The following OSBPL3 variants were observed in gnomAD, a reference collection of about 807,000 sequenced individuals.
The protein encoded by OSBPL3 is oxysterol-binding protein-related protein 3.
In OSBPL3, 65 loss-of-function variants were observed where a neutral mutation model predicts 120.1. The ratio of observed to expected loss-of-function variants is 0.54; its 90% CI spans 0.44 to 0.67. The LOEUF is 0.67. Among genes scored for constraint, OSBPL3 ranks in the 30% least tolerant of loss-of-function variants. The pLI, the probability that OSBPL3 is intolerant of heterozygous loss-of-function variation, is 0.00. For synonymous variants in OSBPL3, 416 were observed against 402.6 expected (o/e 1.03, Z -0.40); for missense variants, 1,004 against 1,082.1 (o/e 0.93, Z 1.01).
At chr7:24,826,723 A>T (rs1225460467) in intron 16 of OSBPL3, among the ~76,000 whole-genome samples, 1 of 152,140 alleles carries the variant, frequency 6.6e-6, no homozygotes, top group East Asian at 1.9e-4. Flanking sequence ...GCACTCTACA[A>T]ATCTAATACT....
In OSBPL3 at chr7:24,972,094, A is replaced by T. The variant is rs1017341938; in HGVS notation, c.-150+7792T>A. 1.3e-5 allele frequency among the ~76,000 whole-genome samples: 2 copies of T among 152,258 alleles called. No homozygotes were observed. Among genetic ancestry groups the T allele is most frequent in the Non-Finnish European group, 2.9e-5 (2 of 68,044 alleles). On this transcript the variant is annotated intron_variant, in intron 1 of 22. Transcript: ENST00000313367. The surrounding 1 kb of genome is among the most constrained non-coding windows in gnomAD (Gnocchi z 4.3). Reference sequence around the variant, plus strand: ...GTTATTTTAAGCTACATGCAGGGCTATGCTGGAGGACAGGTTGCTAGATAT... The same window carrying T: ...GTTATTTTAAGCTACATGCAGGGCTTTGCTGGAGGACAGGTTGCTAGATAT...
intron 10 of OSBPL3, among the ~76,000 whole-genome samples, chr7:24,853,916 G>T (rs1049453415): frequency 1.2e-4 from 19 of 152,070 alleles, no homozygotes; most frequent in Admixed American, 6.5e-5. Context: ...TTGCTTGTTA[G>T]CCCTTCCAGC....
At chr7:24,839,991 C>CAAAAAAAAAAAAAAAAAAAAAAAAA (rs71675250) in intron 14 of OSBPL3, among the ~76,000 whole-genome samples, 1 of 53,268 alleles carries the variant, frequency 1.9e-5, no homozygotes, top group Non-Finnish European at 3.3e-5. Context: ...CTCCATCTCA[C>CAAAAAAAAAAAAAAAAAAAAAAAAA]AAAAAAAAAA....
At chr7:24,979,319 A>C (rs1273195895) in intron 1 of OSBPL3, among the ~76,000 whole-genome samples, 3 of 151,826 alleles carry the variant, frequency 2.0e-5, no homozygotes, top group African/African-American at 7.3e-5. Flanking sequence ...AGGGGCCAGA[A>C]AGCTGATGAA....
At position 24,866,095 on chromosome 7, in the gene OSBPL3, A is replaced by G. The variant is rs768202770; in HGVS notation, c.524T>C (p.Val175Ala). The change falls in exon 6 of 23, where the codon GTG (valine) becomes GCG (alanine). Residue 175 changes from valine (V) to alanine (A), a missense_variant. Transcript: ENST00000313367. ...CTTCCTACTTGAAATGGAGTCAAAC[A>G]CCCCAGATGAAGAGTCTGTGATGGT... ...GSTITDSSSG[V>A]FDSISSRKRS... is the part of the protein sequence containing the mutation. 50 of 1,613,644 alleles carry G rather than the reference A, an allele frequency of 3.1e-5. No homozygotes were observed. The African/African-American group carries it at 6.3e-4, about 20-fold the overall frequency.
chr7:24,827,075 C>T lies in OSBPL3; in HGVS notation c.1884+3693G>A, dbSNP rs1353626645. On this transcript the variant is annotated intron_variant, in intron 16 of 22. Coordinates refer to ENST00000313367, the MANE Select transcript of OSBPL3 (RefSeq NM_015550.4). The surrounding 1 kb of genome is among the most constrained non-coding windows in gnomAD (Gnocchi z 5.1). ...TGGAGATACAATTTCCATCATTATC[C>T]TCCTTAGAAAAAAATTCCACCCAAA... Among the ~76,000 whole-genome samples the T allele has an allele frequency of 2.6e-5, 4 of 152,186 alleles. No individual in the cohort carries two copies. Among genetic ancestry groups the T allele is most frequent in the Non-Finnish European group, 5.9e-5 (4 of 68,030 alleles).
intron 20 of OSBPL3, among the ~76,000 whole-genome samples, chr7:24,809,326 T>C (rs983079171): frequency 6.6e-6 from 1 of 152,128 alleles, no homozygotes; most frequent in Non-Finnish European, 1.5e-5. Flanking sequence ...CCATATCTGC[T>C]CCAAGAGCTC....
rs112517364 is a variant in OSBPL3 at position 24,881,332 on chromosome 7, T to C, written c.97-9263A>G. 7.0e-3 allele frequency among the ~76,000 whole-genome samples: 1,067 copies of C among 152,254 alleles called. 16 individuals carry two copies. Among genetic ancestry groups the C allele is most frequent in the African/African-American group, 0.024 (1,013 of 41,502 alleles). On this transcript the variant is annotated intron_variant, in intron 2 of 22. Transcript: ENST00000313367. This position sits in a 1 kb window ranked among gnomAD's most constrained non-coding sequence, Gnocchi z 4.3. ...ACAATGTTAAGATCTCAGAGAACTTTACAAATCAAAGAAGGAATGACTTTA... is the reference window on the plus strand; with the variant it reads ...ACAATGTTAAGATCTCAGAGAACTTCACAAATCAAAGAAGGAATGACTTTA...
Position 24,834,329 on chromosome 7 carries a change from C to A in OSBPL3, c.1746+157G>T, listed in dbSNP as rs753506727. 4 of 1,469,286 alleles carry A rather than the reference C, an allele frequency of 2.7e-6. No homozygotes were observed. Among genetic ancestry groups the A allele is most frequent in the Non-Finnish European group, 3.6e-6 (4 of 1,109,076 alleles). The allele number at this position is 1,469,286 out of a possible 1,614,324, so 91.0% of individuals were successfully genotyped here. ...CACAAGGTGACTGGAAACAGCCAGGCGGAGGAAGCCAGACAGCTCTGAGTA... is the reference window on the plus strand; with the variant it reads ...CACAAGGTGACTGGAAACAGCCAGGAGGAGGAAGCCAGACAGCTCTGAGTA... On this transcript the variant is annotated intron_variant, in intron 15 of 22. Transcript: ENST00000313367. The surrounding 1 kb of genome is among the most constrained non-coding windows in gnomAD (Gnocchi z 5.2).
At chr7:24,941,113 C>T (rs1813056726) in intron 1 of OSBPL3, among the ~76,000 whole-genome samples, 1 of 152,232 alleles carries the variant, frequency 6.6e-6, no homozygotes, top group Non-Finnish European at 1.5e-5. Context: ...GCCACCGCAC[C>T]CGGCCAACAT....
Position 24,834,434 on chromosome 7 carries a change from C to T in OSBPL3, c.1746+52G>A, listed in dbSNP as rs1196257969. The T allele has an allele frequency of 2.6e-6, 4 of 1,568,238 alleles. No individual in the cohort carries two copies. Among genetic ancestry groups the T allele is most frequent in the Non-Finnish European group, 3.5e-6 (4 of 1,157,576 alleles). On this transcript the variant is annotated intron_variant, in intron 15 of 22. Coordinates refer to ENST00000313367, the MANE Select transcript of OSBPL3 (RefSeq NM_015550.4). This position sits in a 1 kb window ranked among gnomAD's most constrained non-coding sequence, Gnocchi z 5.2. ...CTCTGATGGGCCCCGTGAATGGCCT[C>T]GTGGCTTGGGGACCGAGGCTGGACA...
chr7:24,838,917 A>T (rs1189297740), intron 14 of OSBPL3, among the ~76,000 whole-genome samples: 2 of 152,202 alleles, frequency 1.3e-5, no homozygotes, highest in Non-Finnish European at 2.9e-5. Context: ...CTTTCCACTA[A>T]GGGGTTCATC....
chr7:24,895,331 C>T (rs1805980764), intron 1 of OSBPL3, among the ~76,000 whole-genome samples: 1 of 152,262 alleles, frequency 6.6e-6, no homozygotes, highest in East Asian at 1.9e-4. Context: ...TTACTGCTGC[C>T]TGCAGTATTC....
rs1796733390 is a variant in OSBPL3, at chr7:24,834,344, A to G, written c.1746+142T>C. ...AACAGCCAGGCGGAGGAAGCCAGAC[A>G]GCTCTGAGTAATGAACCTGTTTACG... is the stretch of plus-strand genomic sequence containing the variant. On this transcript the variant is annotated intron_variant, in intron 15 of 22. Transcript: ENST00000313367. The surrounding 1 kb of genome is among the most constrained non-coding windows in gnomAD (Gnocchi z 5.2). The G allele has an allele frequency of 6.7e-7, 1 of 1,485,992 alleles. No individual in the cohort carries two copies. Among genetic ancestry groups the G allele is most frequent in the Non-Finnish European group, 9.0e-7 (1 of 1,117,306 alleles). The allele number at this position is 1,485,992 out of a possible 1,614,324, so 92.1% of individuals were successfully genotyped here. A position where few individuals can be genotyped will look rare whatever the true frequency, so the allele number is the denominator to read the frequency against.
chr7:24,847,242 G>A (rs1207645357), intron 12 of OSBPL3, among the ~76,000 whole-genome samples: 3 of 152,150 alleles, frequency 2.0e-5, no homozygotes, highest in Non-Finnish European at 4.4e-5. Flanking sequence ...TTCAGTCTGG[G>A]AGGCCATTTT....
intron 12 of OSBPL3, among the ~76,000 whole-genome samples, chr7:24,847,059 C>CAAAAAAAAAAAAA (rs10712873): frequency 1.9e-5 from 2 of 106,266 alleles, no homozygotes; most frequent in Admixed American, 9.5e-5. Flanking sequence ...GACTCTGTCT[C>CAAAAAAAAAAAAA]AAAAAAAAAA....
Position 24,802,121 on chromosome 7 carries a change from T to C in OSBPL3, c.2568-1842A>G, listed in dbSNP as rs950389052. On this transcript the variant is annotated intron_variant, in intron 22 of 22. Transcript: ENST00000313367. This position sits in a 1 kb window ranked among gnomAD's most constrained non-coding sequence, Gnocchi z 4.1. The stretch of plus-strand genomic sequence containing the variant: ...ACACTCTCAGGAATGTAGATTTTTA[T>C]CACACTTGTTTCCCTATTCCAGTAA... Among the ~76,000 whole-genome samples, 1 of 152,236 alleles carries C rather than the reference T, an allele frequency of 6.6e-6. No homozygotes were observed. Among genetic ancestry groups the C allele is most frequent in the Admixed American group, 6.5e-5 (1 of 15,288 alleles).
rs1244735829 is a variant in OSBPL3 at position 24,952,775 on chromosome 7, C to CA, written c.-150+27110dup. Among the ~76,000 whole-genome samples, 2 of 152,136 alleles carry CA rather than the reference C, an allele frequency of 1.3e-5. No homozygotes were observed. Among genetic ancestry groups the CA allele is most frequent in the African/African-American group, 4.8e-5 (2 of 41,410 alleles). The stretch of plus-strand genomic sequence containing the variant: ...CAGCTGAATCTATAAACAAGAGTAC[C>CA]ATCAAGGTTCCCAGATTTAAAATAT... On this transcript the variant is annotated intron_variant, in intron 1 of 22. Coordinates refer to ENST00000313367, the MANE Select transcript of OSBPL3 (RefSeq NM_015550.4). The surrounding 1 kb of genome is among the most constrained non-coding windows in gnomAD (Gnocchi z 4.4).
chr7:24,870,992 G>A (rs1048667404), intron 4 of OSBPL3, 147 bp from the exon 5 acceptor site: 26 of 645,274 alleles, frequency 4.0e-5, no homozygotes, highest in Admixed American at 2.6e-4. Flanking sequence ...GCTGAGTTAC[G>A]TGCTGGACAT....
Sources: gnomAD v4.1 joint callset for allele counts (sites outside exome capture counted in the v4.1 genomes callset) on GRCh38, gnomAD v4.1.1 for gene constraint, Gnocchi (gnomAD v3.1) non-coding constraint, MANE v1.5 for transcripts, NCBI Gene and HGNC (gene_info 2026-07-23, HGNC 2026-07-21) for gene names.